Variants in STARD13 observed in about 807,000 individuals in gnomAD.
STARD13 encodes StAR related lipid transfer domain containing 13.
A neutral mutation model predicts 106.4 loss-of-function variants in STARD13; 62 were observed. The ratio of observed to expected loss-of-function variants is 0.58; its 90% confidence interval spans 0.48 to 0.72. STARD13 has a LOEUF of 0.72. Ranked by LOEUF, STARD13 falls within the 30% of genes least tolerant of loss-of-function variation. STARD13 has a pLI of 0.00. For synonymous variants in STARD13, 565 were observed against 553.0 expected (o/e 1.02, Z -0.31); for missense variants, 1,387 against 1,424.0 (o/e 0.97, Z 0.42).
the STARD13 span, among the ~76,000 whole-genome samples, chr13:33,571,719 C>A: frequency 6.6e-6 from 1 of 152,126 alleles, no homozygotes; most frequent in Non-Finnish European, 1.5e-5. Flanking sequence ...TATGCAGGGT[C>A]CAGGGATGAG....
At chr13:33,630,267 G>A in the STARD13 span, among the ~76,000 whole-genome samples, 6 of 152,218 alleles carry the variant, frequency 3.9e-5, no homozygotes, top group Admixed American at 1.3e-4. Flanking sequence ...TTAGCCACTA[G>A]GTCCCAGCTC....
the STARD13 span, among the ~76,000 whole-genome samples, chr13:33,469,764 T>A: frequency 6.6e-6 from 1 of 152,142 alleles, no homozygotes; most frequent in Non-Finnish European, 1.5e-5. Context: ...ATACATAGAC[T>A]AATGATAGAA....
At chr13:33,107,721 T>A (rs1873963504) in intron 12 of STARD13, among the ~76,000 whole-genome samples, 1 of 152,046 alleles carries the variant, frequency 6.6e-6, no homozygotes, top group Non-Finnish European at 1.5e-5. Context: ...TGGGAGGCAG[T>A]GAGCTCCCTG....
At chr13:33,321,583 A>G (rs1160872666) in intron 1 of STARD13, among the ~76,000 whole-genome samples, 1 of 152,122 alleles carries the variant, frequency 6.6e-6, no homozygotes, top group Non-Finnish European at 1.5e-5. Context: ...GTTCTCTTAC[A>G]TATATTATCT....
At chr13:33,485,706 A>C in the STARD13 span, among the ~76,000 whole-genome samples, 1 of 152,204 alleles carries the variant, frequency 6.6e-6, no homozygotes, top group African/African-American at 2.4e-5. Context: ...ATTAATGCCT[A>C]TACAAATATA....
chr13:33,532,646 A>T, the STARD13 span, among the ~76,000 whole-genome samples: 1 of 152,200 alleles, frequency 6.6e-6, no homozygotes, highest in South Asian at 2.1e-4. Flanking sequence ...CTTGTATGCT[A>T]TTAATATACC....
At chr13:33,325,822 G>A (rs928787869) in intron 1 of STARD13, among the ~76,000 whole-genome samples, 3 of 151,646 alleles carry the variant, frequency 2.0e-5, no homozygotes, top group Admixed American at 6.6e-5. Flanking sequence ...GTAAAACCCC[G>A]TCTCTACAAA....
the STARD13 span, among the ~76,000 whole-genome samples, chr13:33,397,543 T>A: frequency 0.026 from 3,898 of 152,304 alleles, 67 homozygotes; most frequent in Middle Eastern, 0.078. Flanking sequence ...GGCTAATTTG[T>A]TAGTTTGCAA....
At chr13:33,448,572 C>A in the STARD13 span, among the ~76,000 whole-genome samples, 1 of 152,220 alleles carries the variant, frequency 6.6e-6, no homozygotes, top group East Asian at 1.9e-4. Context: ...CACAGGAGTG[C>A]AAATACCTCT....
intron 8 of STARD13, chr13:33,113,152 T>C (rs1874866287): frequency 1.9e-6 from 1 of 532,446 alleles, no homozygotes; most frequent in South Asian, 3.0e-5. Flanking sequence ...AATTGAACTT[T>C]GGATCCCACG....
At chr13:33,535,734 A>T in the STARD13 span, among the ~76,000 whole-genome samples, 1 of 152,254 alleles carries the variant, frequency 6.6e-6, no homozygotes, top group African/African-American at 2.4e-5. Flanking sequence ...AATATGTTCT[A>T]GCCCTCAAAT....
chr13:33,201,479 A>T (rs1006737526), intron 1 of STARD13, among the ~76,000 whole-genome samples: 3 of 152,244 alleles, frequency 2.0e-5, no homozygotes, highest in Non-Finnish European at 4.4e-5. Flanking sequence ...AGATTAAATG[A>T]GAGATTGCCA....
At chr13:33,136,508 T>C (rs9568888) in intron 4 of STARD13, among the ~76,000 whole-genome samples, 49,643 of 152,122 alleles carry the variant, frequency 0.33, 8,813 homozygotes, top group Non-Finnish European at 0.41. Context: ...TTTCCTCTGA[T>C]TGATCCTCAC....
At chr13:33,479,900 T>C in the STARD13 span, among the ~76,000 whole-genome samples, 1 of 152,172 alleles carries the variant, frequency 6.6e-6, no homozygotes, top group Admixed American at 6.5e-5. Flanking sequence ...TCCTGAAGTC[T>C]CCCCAGAAGC....
At chr13:33,163,414 AC>A (rs1175713845) in intron 3 of STARD13, among the ~76,000 whole-genome samples, 1 of 151,444 alleles carries the variant, frequency 6.6e-6, no homozygotes, top group Non-Finnish European at 1.5e-5. Flanking sequence ...ACATGGTGAA[AC>A]CCCATCTCTG....
rs544307165 is a variant in STARD13 at position 33,241,063 on chromosome 13, C to T, written c.169+44407G>A. On this transcript the variant is annotated intron_variant, in intron 1 of 13. Transcript: ENST00000336934. ...CAAGTTGGATATCTTGTGTAGGGTG[C>T]CATTATTAAGATTGTATTATAAATG... is the stretch of plus-strand genomic sequence containing the variant. 3.3e-5 allele frequency among the ~76,000 whole-genome samples: 5 copies of T among 152,144 alleles called. No individual in the cohort carries two copies. The East Asian group carries it at 9.6e-4, about 29-fold the overall frequency.
Position 33,133,327 on chromosome 13 carries a change from C to T in STARD13, c.388-3038G>A, listed in dbSNP as rs141636897. On this transcript the variant is annotated intron_variant, in intron 4 of 13. Transcript: ENST00000336934. ...TGGCCAACAGGAAGATATTTACAGC[C>T]CAACTAAGGCATGTGAAAAAGTGGC... Among the ~76,000 whole-genome samples the T allele has an allele frequency of 4.9e-3, 751 of 152,180 alleles. 5 individuals are homozygous for T. Among genetic ancestry groups the T allele is most frequent in the Non-Finnish European group, 8.2e-3 (557 of 68,018 alleles).
chr13:33,484,416 T>C, the STARD13 span, among the ~76,000 whole-genome samples: 1 of 152,186 alleles, frequency 6.6e-6, no homozygotes, highest in African/African-American at 2.4e-5. Flanking sequence ...ATTGACCTTT[T>C]GAGATGTCTT....
At chr13:33,430,208 C>T in the STARD13 span, among the ~76,000 whole-genome samples, 3 of 152,168 alleles carry the variant, frequency 2.0e-5, no homozygotes, top group African/African-American at 4.8e-5. Context: ...TGAGCCACTG[C>T]GCCTGGCCTT....
Sources: allele counts gnomAD v4.1 joint callset (sites outside exome capture counted in the v4.1 genomes callset), GRCh38; gene constraint gnomAD v4.1.1; transcripts MANE v1.5; gene names NCBI Gene and HGNC (gene_info 2026-07-23, HGNC 2026-07-21).